The following SOX5 variants were observed in gnomAD, a reference collection of about 807,000 sequenced individuals.
The protein encoded by SOX5 is transcription factor SOX-5.
Under a neutral mutation model 92.0 loss-of-function variants are expected in SOX5, and 9 were observed. The ratio of observed to expected loss-of-function variants is 0.10; its 90% CI spans 0.06 to 0.17. SOX5 has a LOEUF of 0.17. Among genes scored for constraint, SOX5 ranks in the 10% least tolerant of loss-of-function variants. The probability of loss-of-function intolerance (pLI) is 1.00; values close to 1 mark genes in which losing one functional copy is unlikely to be tolerated. For synonymous variants in SOX5, 344 were observed against 336.3 expected (o/e 1.02, Z -0.25); for missense variants, 642 against 944.5 (o/e 0.68, Z 4.20).
At chr12:24,020,326 C>T (rs1301203914) in intron 4 of SOX5, among the ~76,000 whole-genome samples, 1 of 152,084 alleles carries the variant, frequency 6.6e-6, no homozygotes, top group Non-Finnish European at 1.5e-5. Context: ...CTAACACAAA[C>T]CTGGGTTTCT....
chr12:24,474,988 T>C (rs1945208765), intron 1 of SOX5, among the ~76,000 whole-genome samples: 2 of 152,074 alleles, frequency 1.3e-5, no homozygotes, highest in Admixed American at 1.3e-4. Context: ...GTAGCTGGGA[T>C]TACAGGCACA....
chr12:24,011,823 G>C (rs1952976603), intron 4 of SOX5, among the ~76,000 whole-genome samples: 1 of 152,050 alleles, frequency 6.6e-6, no homozygotes, highest in African/African-American at 2.4e-5. Context: ...CTTATACTAG[G>C]AGTCTTCCTA....
chr12:23,643,691 C>A (rs1005781588), intron 7 of SOX5, among the ~76,000 whole-genome samples: 1 of 152,236 alleles, frequency 6.6e-6, no homozygotes, highest in East Asian at 1.9e-4. Context: ...AGAAAGACTT[C>A]CAGACAGTGA....
At chr12:24,507,022 C>T (rs1948858428) in intron 1 of SOX5, among the ~76,000 whole-genome samples, 1 of 151,746 alleles carries the variant, frequency 6.6e-6, no homozygotes, top group Admixed American at 6.6e-5. Flanking sequence ...GATTTCCTGA[C>T]CTCGTGATCC....
intron 2 of SOX5, among the ~76,000 whole-genome samples, chr12:24,284,449 T>TGC (rs1473739298): frequency 2.0e-5 from 3 of 151,476 alleles, no homozygotes; most frequent in Non-Finnish European, 2.9e-5. Flanking sequence ...TGTGTGTGTG[T>TGC]GTGTGCGTGT....
At chr12:24,457,259 CTAA>C (rs1943121878) in intron 1 of SOX5, among the ~76,000 whole-genome samples, 2 of 152,070 alleles carry the variant, frequency 1.3e-5, no homozygotes, top group South Asian at 4.1e-4. Context: ...AAAGAAAAAC[CTAA>C]TAATGTCAAT....
intron 1 of SOX5, among the ~76,000 whole-genome samples, chr12:24,438,262 T>C (rs1939834931): frequency 6.6e-6 from 1 of 151,978 alleles, no homozygotes; most frequent in Non-Finnish European, 1.5e-5. Context: ...GAGGGGAACA[T>C]CACATACCAG....
intron 2 of SOX5, among the ~76,000 whole-genome samples, chr12:23,864,471 A>T (rs1367943390): frequency 6.6e-6 from 1 of 152,310 alleles, no homozygotes; most frequent in South Asian, 2.1e-4. Context: ...CTTGCACCAT[A>T]GTTAGCCAAG....
intron 1 of SOX5, among the ~76,000 whole-genome samples, chr12:24,520,242 C>G (rs753272298): frequency 1.3e-5 from 2 of 151,854 alleles, no homozygotes; most frequent in South Asian, 4.2e-4. Flanking sequence ...ATAAATCTAA[C>G]AGTTAAAGGT....
intron 6 of SOX5, among the ~76,000 whole-genome samples, chr12:23,674,505 G>A (rs1415272956): frequency 6.6e-6 from 1 of 151,190 alleles, no homozygotes; most frequent in East Asian, 1.9e-4. Context: ...TTCCGGCTAA[G>A]TTTTGTATTT....
At chr12:24,057,515 A>G (rs907802048) in intron 4 of SOX5, among the ~76,000 whole-genome samples, 52 of 152,218 alleles carry the variant, frequency 3.4e-4, no homozygotes, top group African/African-American at 1.2e-3. Flanking sequence ...TAAGATTTCT[A>G]CATGATGTAA....
At chr12:24,274,465 T>C (rs1406704564) in intron 3 of SOX5, among the ~76,000 whole-genome samples, 1 of 152,178 alleles carries the variant, frequency 6.6e-6, no homozygotes, top group Non-Finnish European at 1.5e-5. Context: ...ATTTGCATGG[T>C]AAAATGTTTT....
intron 1 of SOX5, among the ~76,000 whole-genome samples, chr12:24,450,500 T>TGA (rs1472717190): frequency 6.6e-5 from 10 of 151,504 alleles, no homozygotes; most frequent in African/African-American, 2.2e-4. Context: ...ATTTATTTAT[T>TGA]TATTTATTTA....
chr12:23,723,213 CCT>C (rs375588805), intron 6 of SOX5, among the ~76,000 whole-genome samples: 9 of 148,990 alleles, frequency 6.0e-5, no homozygotes, highest in Non-Finnish European at 4.5e-5. Flanking sequence ...TCTCTTTCTC[CCT>C]CTCTCTCTCT....
At chr12:23,888,531 G>T (rs1322798560) in intron 2 of SOX5, among the ~76,000 whole-genome samples, 2 of 152,040 alleles carry the variant, frequency 1.3e-5, no homozygotes, top group Non-Finnish European at 2.9e-5. Flanking sequence ...AGTTTTCTCA[G>T]TTTAACATTT....
intron 3 of SOX5, among the ~76,000 whole-genome samples, chr12:24,238,471 C>T (rs1177829795): frequency 1.3e-5 from 2 of 152,206 alleles, no homozygotes; most frequent in Non-Finnish European, 2.9e-5. Context: ...CCCACCTCAA[C>T]CTCCAGAGTA....
At chr12:23,602,855 T>C (rs2074686980) in intron 9 of SOX5, among the ~76,000 whole-genome samples, 1 of 152,066 alleles carries the variant, frequency 6.6e-6, no homozygotes, top group South Asian at 2.1e-4. Context: ...GTTAAAATTA[T>C]TACCAGTTTT....
chr12:24,333,852 A>G (rs1471375377), intron 2 of SOX5, among the ~76,000 whole-genome samples: 1 of 820 alleles, frequency 1.2e-3, no homozygotes, highest in East Asian at 0.12. Context: ...TCACCAAGTT[A>G]AAAAAAAAAA....
At chr12:24,379,258 G>T (rs1320405320) in intron 1 of SOX5, among the ~76,000 whole-genome samples, 1 of 152,184 alleles carries the variant, frequency 6.6e-6, no homozygotes, top group Non-Finnish European at 1.5e-5. Flanking sequence ...TTGAGTGAAA[G>T]TTGGAAATGC....
Sources: gnomAD v4.1 joint callset for allele counts (sites outside exome capture counted in the v4.1 genomes callset) on GRCh38, gnomAD v4.1.1 for gene constraint, MANE v1.5 for transcripts, NCBI Gene and HGNC (gene_info 2026-07-23, HGNC 2026-07-21) for gene names.